Variants in SRRM1 observed in about 807,000 individuals in gnomAD.
SRRM1 encodes the protein serine and arginine repetitive matrix 1.
In SRRM1, 19 loss-of-function variants were observed where a neutral mutation model predicts 110.2. The ratio of observed to expected loss-of-function variants is 0.17; its 90% CI spans 0.12 to 0.25. The LOEUF (loss-of-function observed/expected upper bound fraction) is 0.25, where lower values mean the gene tolerates loss of function less well. Among genes scored for constraint, SRRM1 ranks in the 10% least tolerant of loss-of-function variants. The pLI, the probability that SRRM1 is intolerant of heterozygous loss-of-function variation, is 1.00. For missense variants in SRRM1, 918 were observed against 1,145.8 expected (o/e 0.80, Z 2.87); for synonymous variants, 443 against 414.9 (o/e 1.07, Z -0.82).
intron 1 of SRRM1, among the ~76,000 whole-genome samples, chr1:24,644,587 G>A (rs1408865063): frequency 1.3e-5 from 2 of 152,174 alleles, no homozygotes. Context: ...TTTTCGTCAT[G>A]TTAGAATGTT....
intron 12 of SRRM1, among the ~76,000 whole-genome samples, chr1:24,664,901 A>G (rs1174600122): frequency 8.0e-6 from 1 of 125,614 alleles, no homozygotes; most frequent in South Asian, 2.7e-4. Context: ...CCACCAAATT[A>G]TGGCACTACT....
At chr1:24,664,869 C>T (rs1162908849) in intron 12 of SRRM1, among the ~76,000 whole-genome samples, 5 of 152,110 alleles carry the variant, frequency 3.3e-5, no homozygotes, top group Admixed American at 3.3e-4. Flanking sequence ...TCTCTTTCAT[C>T]TCCCCTTCCC....
rs1187700976 is a variant in SRRM1, at chr1:24,646,145, G to A, written c.111+72G>A. 3.4e-6 allele frequency: 4 copies of A among 1,159,664 alleles called. No individual in the cohort carries two copies. The African/African-American group carries it at 4.6e-5, about 13-fold the overall frequency. The allele number at this position is 1,159,664 out of a possible 1,614,324, so 71.8% of individuals were successfully genotyped here. The stretch of plus-strand genomic sequence containing the variant: ...TTGACTCAAGTTCTGGGGTTGTTTT[G>A]GAGATGCATTGTAACTTGAATGCTA... On this transcript the variant is annotated intron_variant, in intron 2 of 16. Transcript: ENST00000323848.
At chr1:24,662,998 G>A in intron 12 of SRRM1, 194 bp downstream of exon 12, 1 of 975,388 alleles carries the variant, frequency 1.0e-6, no homozygotes, top group Non-Finnish European at 1.5e-6. Flanking sequence ...TTTAGAATTG[G>A]TAAATTTTAA....
In SRRM1 at chr1:24,655,083, A is replaced by G. The variant is rs1180824544; in HGVS notation, c.1269A>G (p.Thr423=). The G allele has an allele frequency of 6.2e-7, 1 of 1,614,200 alleles. No homozygotes were observed. Among genetic ancestry groups the G allele is most frequent in the Non-Finnish European group, 8.5e-7 (1 of 1,180,036 alleles). The stretch of plus-strand genomic sequence containing the variant: ...CTACACCCCAGCAGTCAAACCGTAC[A>G]AGAAAAAGTCGTGTTTCTGTGTCTC... ...HSPTPQQSNR[T]RKSRVSVSPG... Residue 423 remains threonine (T), a synonymous_variant, in exon 9 of 17, where the codon ACA becomes ACG. Transcript: ENST00000323848.
At chr1:24,660,964 T>A (rs1303759058) in intron 10 of SRRM1, 165 bp downstream of exon 10, 1 of 550,326 alleles carries the variant, frequency 1.8e-6, no homozygotes, top group Non-Finnish European at 3.3e-6. Flanking sequence ...AATCCCCCAT[T>A]CCAGAATTTA....
rs61729115 is a variant in SRRM1, at chr1:24,655,048, C to G, written c.1234C>G (p.Arg412Gly). 6.2e-7 allele frequency: 1 copy of G among 1,614,058 alleles called. No homozygotes were observed. Among genetic ancestry groups the G allele is most frequent in the Non-Finnish European group, 8.5e-7 (1 of 1,180,052 alleles). The part of the protein sequence containing the change: ...SPPATPPPKT[R>G]HSPTPQQSNR... ...TCCTGCAACTCCACCACCCAAAACTCGGCATTCCCCTACACCCCAGCAGTC... is the reference window on the plus strand; with the variant it reads ...TCCTGCAACTCCACCACCCAAAACTGGGCATTCCCCTACACCCCAGCAGTC... The change falls in exon 9 of 17, where the codon CGG becomes GGG. Residue 412 changes from arginine (R) to glycine (G), a missense_variant. Transcript: ENST00000323848.
intron 14 of SRRM1, 91 bp from the exon 15 acceptor site, chr1:24,670,029 C>A: frequency 1.7e-6 from 2 of 1,154,040 alleles, no homozygotes; most frequent in Non-Finnish European, 2.4e-6. Flanking sequence ...ATTTGAAATT[C>A]ATAACCTGGT....
intron 11 of SRRM1, among the ~76,000 whole-genome samples, 191 bp from the exon 12 acceptor site, chr1:24,662,467 CTA>C (rs1329080453): frequency 6.6e-6 from 1 of 152,092 alleles, no homozygotes; most frequent in Non-Finnish European, 1.5e-5. Context: ...GAAATTATTT[CTA>C]TGTCTTATTT....
At position 24,666,948 on chromosome 1, in the gene SRRM1, T is replaced by C. The variant is rs1670307946; in HGVS notation, c.1739+23T>C. 6 of 1,534,896 alleles carry C rather than the reference T, an allele frequency of 3.9e-6. No homozygotes were observed. The Admixed American group carries it at 9.5e-5, about 24-fold the overall frequency. Reference sequence around the variant, plus strand: ...AAGGTACTTTGTCAAATATGCTAACTGGAGCATCTCCCCAACTCCCCCCGC... The same window carrying C: ...AAGGTACTTTGTCAAATATGCTAACCGGAGCATCTCCCCAACTCCCCCCGC... On this transcript the variant is annotated intron_variant, in intron 13 of 16. Transcript: ENST00000323848.
intron 9 of SRRM1, among the ~76,000 whole-genome samples, chr1:24,657,860 A>T (rs1361378113): frequency 6.6e-6 from 1 of 152,224 alleles, no homozygotes; most frequent in Non-Finnish European, 1.5e-5. Flanking sequence ...GCTTGGCCAC[A>T]TACATTGTGC....
chr1:24,660,676 T>G, intron 9 of SRRM1, 43 bp from the exon 10 acceptor site: 1 of 1,121,138 alleles, frequency 8.9e-7, no homozygotes, highest in Non-Finnish European at 1.3e-6. Context: ...TGTATAGACC[T>G]TTTTTTGTAC....
At chr1:24,645,222 C>T (rs1028917693) in intron 1 of SRRM1, among the ~76,000 whole-genome samples, 11 of 152,142 alleles carry the variant, frequency 7.2e-5, no homozygotes, top group African/African-American at 2.4e-4. Flanking sequence ...TACGATCTTA[C>T]GGCTAAGTAG....
intron 1 of SRRM1, 148 bp downstream of exon 1, chr1:24,643,495 C>T (rs1441892633): frequency 3.9e-6 from 2 of 510,160 alleles, no homozygotes; most frequent in Admixed American, 4.9e-5. Context: ...CCCCCCCCCC[C>T]CGTGCGCTGC....
chr1:24,667,364 G>C (rs1211755281), intron 13 of SRRM1, among the ~76,000 whole-genome samples: 2 of 152,154 alleles, frequency 1.3e-5, no homozygotes, highest in African/African-American at 4.8e-5. Context: ...TTGTCATAAA[G>C]ATGTTAATAC....
intron 12 of SRRM1, chr1:24,663,123 C>T: frequency 7.1e-7 from 1 of 1,415,634 alleles, no homozygotes; most frequent in African/African-American, 1.4e-5. Context: ...ACTTAATCCA[C>T]CCAAGTAAAT....
rs762212499 is a variant in SRRM1, at chr1:24,669,626, A to G, written c.2204+39A>G. 25 of 1,423,472 alleles carry G rather than the reference A, an allele frequency of 1.8e-5. No homozygotes were observed. In the Middle Eastern group the frequency reaches 5.3e-4, roughly 30 times the overall value. 88.2% of individuals were successfully genotyped at this position (1,423,472 alleles called of 1,614,324 possible). ...ATGCTTTTCCATTAGGAATACTTACATAGCTGTTTATATTTGGAAGCTTCC... is the reference window on the plus strand; with the variant it reads ...ATGCTTTTCCATTAGGAATACTTACGTAGCTGTTTATATTTGGAAGCTTCC... On this transcript the variant is annotated intron_variant, in intron 14 of 16. Coordinates refer to ENST00000323848, the MANE Select transcript of SRRM1 (RefSeq NM_005839.4).
intron 15 of SRRM1, 134 bp from the exon 16 acceptor site, chr1:24,671,252 A>G (rs1672595433): frequency 1.0e-6 from 1 of 953,794 alleles, no homozygotes; most frequent in Non-Finnish European, 1.6e-6. Context: ...GGCCTTCCCC[A>G]CTCACACCCT....
intron 15 of SRRM1, among the ~76,000 whole-genome samples, chr1:24,670,811 A>C (rs976418342): frequency 6.6e-6 from 1 of 152,170 alleles, no homozygotes; most frequent in African/African-American, 2.4e-5. Context: ...ACTTGTGAGG[A>C]ATTTTAAGTA....
Sources: allele counts gnomAD v4.1 joint callset (sites outside exome capture counted in the v4.1 genomes callset), GRCh38; gene constraint gnomAD v4.1.1; transcripts MANE v1.5; gene names NCBI Gene and HGNC (gene_info 2026-07-23, HGNC 2026-07-21).